Variants in ROBO2 observed in about 807,000 individuals in gnomAD.
The protein encoded by ROBO2 is roundabout homolog 2.
A neutral mutation model predicts 160.8 loss-of-function variants in ROBO2; 53 were observed. The ratio of observed to expected loss-of-function variants is 0.33; its 90% confidence interval spans 0.26 to 0.41. ROBO2 has a LOEUF of 0.41. Ranked by LOEUF, ROBO2 falls within the 10% of genes least tolerant of loss-of-function variation. The pLI, the probability that ROBO2 is intolerant of heterozygous loss-of-function variation, is 1.00. For missense variants in ROBO2, 1,577 were observed against 1,722.4 expected (o/e 0.92, Z 1.49); for synonymous variants, 664 against 611.7 (o/e 1.09, Z -1.26).
chr3:76,910,129 G>A (rs1166242351), intron 2 of ROBO2, among the ~76,000 whole-genome samples: 1 of 152,112 alleles, frequency 6.6e-6, no homozygotes. Flanking sequence ...GGTACAAGAT[G>A]TCCTCATTTT....
At chr3:77,106,717 T>C (rs1295744687) in intron 2 of ROBO2, among the ~76,000 whole-genome samples, 4 of 152,198 alleles carry the variant, frequency 2.6e-5, no homozygotes, top group African/African-American at 9.7e-5. Flanking sequence ...ATTAAGATAT[T>C]CTCTCCACTA....
At chr3:76,979,335 G>A (rs560549093) in intron 2 of ROBO2, among the ~76,000 whole-genome samples, 3 of 152,118 alleles carry the variant, frequency 2.0e-5, no homozygotes, top group African/African-American at 7.2e-5. Context: ...CACTGTACCT[G>A]TTAAGTAATT....
intron 2 of ROBO2, among the ~76,000 whole-genome samples, chr3:77,242,396 A>G (rs1376429640): frequency 6.6e-6 from 1 of 152,176 alleles, no homozygotes; most frequent in Non-Finnish European, 1.5e-5. Context: ...AGAAAAGATA[A>G]TGATATAAAT....
intron 2 of ROBO2, among the ~76,000 whole-genome samples, chr3:76,458,785 C>G (rs1025199139): frequency 1.6e-4 from 24 of 151,236 alleles, no homozygotes; most frequent in Admixed American, 4.6e-4. Flanking sequence ...GAGGAAGAAG[C>G]AAAAGCGGAA....
intron 2 of ROBO2, among the ~76,000 whole-genome samples, chr3:75,988,332 A>T (rs1019700725): frequency 3.3e-5 from 5 of 152,054 alleles, no homozygotes; most frequent in African/African-American, 1.2e-4. Flanking sequence ...TGTTCATAGT[A>T]CTCTTATAAT....
intron 2 of ROBO2, among the ~76,000 whole-genome samples, chr3:76,776,529 G>A (rs2062275243): frequency 1.3e-5 from 2 of 150,640 alleles, no homozygotes; most frequent in Admixed American, 1.3e-4. Context: ...AAGAGTTCTG[G>A]GTACTTCACA....
intron 2 of ROBO2, among the ~76,000 whole-genome samples, chr3:76,272,924 ATATTT>A (rs1707623289): frequency 4.4e-5 from 1 of 22,710 alleles, no homozygotes; most frequent in African/African-American, 8.9e-5. Context: ...TAAAATATAT[ATATTT>A]ATATATAAAT....
intron 2 of ROBO2, among the ~76,000 whole-genome samples, chr3:76,783,493 T>A (rs991210703): frequency 1.3e-5 from 2 of 150,302 alleles, no homozygotes; most frequent in African/African-American, 4.9e-5. Flanking sequence ...AAGTATAGTA[T>A]TTTTGTTTGG....
intron 2 of ROBO2, among the ~76,000 whole-genome samples, chr3:76,243,040 A>G (rs894982265): frequency 3.9e-5 from 6 of 152,178 alleles, no homozygotes; most frequent in Admixed American, 2.6e-4. Flanking sequence ...TTAAATCTGT[A>G]AAAACGGCTA....
intron 2 of ROBO2, among the ~76,000 whole-genome samples, chr3:76,064,278 AG>A (rs1331125968): frequency 2.0e-5 from 3 of 152,196 alleles, no homozygotes; most frequent in African/African-American, 7.2e-5. Context: ...GTTATGCAGC[AG>A]GGGGAAACTG....
chr3:75,952,492 T>G (rs1379020147), intron 2 of ROBO2, among the ~76,000 whole-genome samples: 1 of 152,030 alleles, frequency 6.6e-6, no homozygotes, highest in Non-Finnish European at 1.5e-5. Context: ...AATTGACTTT[T>G]TAAAAGCAAT....
chr3:76,154,841 C>A (rs563102677), intron 2 of ROBO2, among the ~76,000 whole-genome samples: 10 of 151,986 alleles, frequency 6.6e-5, no homozygotes, highest in South Asian at 2.1e-4. Context: ...GTAATGACAC[C>A]AACATACTGA....
intron 2 of ROBO2, among the ~76,000 whole-genome samples, chr3:77,419,180 T>G (rs2077502749): frequency 6.6e-6 from 1 of 152,050 alleles, no homozygotes; most frequent in Admixed American, 6.6e-5. Context: ...CTATGTCTGG[T>G]TTAAGTAATG....
At chr3:77,560,176 G>A (rs577671325) in intron 9 of ROBO2, among the ~76,000 whole-genome samples, 15 of 152,190 alleles carry the variant, frequency 9.9e-5, no homozygotes, top group African/African-American at 3.6e-4. Flanking sequence ...TGAGCCCTCT[G>A]ACAGGCTTCT....
chr3:76,374,464 C>T (rs997442701), intron 2 of ROBO2, among the ~76,000 whole-genome samples: 1 of 151,898 alleles, frequency 6.6e-6, no homozygotes, highest in Non-Finnish European at 1.5e-5. Flanking sequence ...AACACAATAA[C>T]AGTTTAATGA....
At chr3:75,952,541 T>C (rs1298565606) in intron 2 of ROBO2, among the ~76,000 whole-genome samples, 1 of 151,988 alleles carries the variant, frequency 6.6e-6, no homozygotes, top group African/African-American at 2.4e-5. Context: ...CATTCACATG[T>C]CATCCTCAGC....
At chr3:77,150,209 A>C (rs903346794) in intron 2 of ROBO2, among the ~76,000 whole-genome samples, 1 of 152,204 alleles carries the variant, frequency 6.6e-6, no homozygotes, top group African/African-American at 2.4e-5. Flanking sequence ...TCAAGACGGC[A>C]GATAAAATTT....
intron 2 of ROBO2, among the ~76,000 whole-genome samples, chr3:76,653,420 G>A (rs1274083451): frequency 1.3e-5 from 2 of 150,678 alleles, no homozygotes; most frequent in Admixed American, 1.3e-4. Context: ...ATATATTCAT[G>A]AGAATGATGC....
chr3:76,315,140 C>G (rs1312986507), intron 2 of ROBO2, among the ~76,000 whole-genome samples: 1 of 152,184 alleles, frequency 6.6e-6, no homozygotes, highest in African/African-American at 2.4e-5. Context: ...TTAGACCTGA[C>G]TGTTGTCCAT....
Sources: allele counts gnomAD v4.1 joint callset (sites outside exome capture counted in the v4.1 genomes callset), GRCh38; gene constraint gnomAD v4.1.1; transcripts MANE v1.5; gene names NCBI Gene and HGNC (gene_info 2026-07-23, HGNC 2026-07-21).